KCNIP4: variants seen among roughly 807,000 people sequenced by gnomAD.
KCNIP4 encodes potassium voltage-gated channel interacting protein 4.
KCNIP4 carries 12 observed loss-of-function variants against 34.0 expected under a neutral mutation model. The observed-to-expected ratio is 0.35, with a 90% CI of 0.23 to 0.57. The LOEUF is 0.57. KCNIP4 is among the 20% of genes least tolerant of loss of function. The probability of loss-of-function intolerance (pLI) is 0.83; values close to 1 mark genes in which losing one functional copy is unlikely to be tolerated. For synonymous variants in KCNIP4, 124 were observed against 102.2 expected, an observed-to-expected ratio of 1.21 and a Z score of -1.29; for missense variants, 238 against 311.7, an observed-to-expected ratio of 0.76 and a Z score of 1.78.
intron 1 of KCNIP4, among the ~76,000 whole-genome samples, chr4:21,630,969 C>T (rs1296266257): frequency 6.6e-6 from 1 of 152,154 alleles, no homozygotes; most frequent in Non-Finnish European, 1.5e-5. Context: ...TTTCACACGC[C>T]CCTTGCACCT....
intron 1 of KCNIP4, among the ~76,000 whole-genome samples, chr4:21,211,987 G>A (rs1757252572): frequency 6.6e-6 from 1 of 152,138 alleles, no homozygotes; most frequent in African/African-American, 2.4e-5. Context: ...AAAGACATGA[G>A]GGGGACTTGC....
At chr4:21,527,288 C>T (rs1298277599) in intron 1 of KCNIP4, among the ~76,000 whole-genome samples, 4 of 152,120 alleles carry the variant, frequency 2.6e-5, no homozygotes, top group African/African-American at 9.7e-5. Context: ...TGATATTGTT[C>T]TACTCATTCC....
chr4:21,469,873 A>G (rs1730315051), intron 1 of KCNIP4, among the ~76,000 whole-genome samples: 1 of 152,240 alleles, frequency 6.6e-6, no homozygotes, highest in Admixed American at 6.5e-5. Context: ...ATGTGTCCCT[A>G]TGATTCATGT....
chr4:20,904,904 G>C (rs1376277898), intron 1 of KCNIP4, among the ~76,000 whole-genome samples: 1 of 152,142 alleles, frequency 6.6e-6, no homozygotes, highest in Non-Finnish European at 1.5e-5. Flanking sequence ...AGGAGAAGGA[G>C]GAGGAGGAAG....
At chr4:21,872,338 G>A (rs1469288877) in intron 1 of KCNIP4, among the ~76,000 whole-genome samples, 4 of 152,114 alleles carry the variant, frequency 2.6e-5, no homozygotes, top group Non-Finnish European at 4.4e-5. Flanking sequence ...CTACTCCAGC[G>A]CTATGAGCCA....
chr4:21,290,007 G>C (rs1312520656), intron 1 of KCNIP4, among the ~76,000 whole-genome samples: 1 of 151,804 alleles, frequency 6.6e-6, no homozygotes, highest in Non-Finnish European at 1.5e-5. Context: ...TCTCTTAGCA[G>C]GTACAAAAAA....
chr4:21,517,723 C>G (rs1441421014), intron 1 of KCNIP4, among the ~76,000 whole-genome samples: 1 of 152,092 alleles, frequency 6.6e-6, no homozygotes, highest in Admixed American at 6.6e-5. Context: ...TCATCAAGTA[C>G]TTGTTGAAGA....
chr4:21,494,687 C>T (rs759238627), intron 1 of KCNIP4, among the ~76,000 whole-genome samples: 2 of 151,094 alleles, frequency 1.3e-5, no homozygotes, highest in South Asian at 2.1e-4. Flanking sequence ...GCAAGAGAAT[C>T]GCTTGAACCT....
chr4:21,455,808 C>CATATATAT (rs1171436191), intron 1 of KCNIP4, among the ~76,000 whole-genome samples: 12 of 71,900 alleles, frequency 1.7e-4, no homozygotes, highest in Non-Finnish European at 2.6e-4. Context: ...TACAGATATT[C>CATATATAT]ATATATATAT....
Position 21,321,393 on chromosome 4 carries a change from G to A in KCNIP4, c.62-438684C>T, listed in dbSNP as rs1578074642. Among the ~76,000 whole-genome samples the A allele has an allele frequency of 2.0e-5, 3 of 152,140 alleles. No individual in the cohort carries two copies. The South Asian group carries it at 6.2e-4, about 31-fold the overall frequency. ...ATAAATGCCTATTATGTGGCTAAGT[G>A]ACAACCAGGGAAGATAAGAATCTAC... On this transcript the variant is annotated intron_variant, in intron 1 of 8. Coordinates refer to ENST00000382152, the MANE Select transcript of KCNIP4 (RefSeq NM_025221.6).
intron 1 of KCNIP4, among the ~76,000 whole-genome samples, chr4:21,020,489 A>G (rs535848274): frequency 2.0e-5 from 3 of 152,272 alleles, no homozygotes; most frequent in East Asian, 3.9e-4. Flanking sequence ...GTAGATAGGT[A>G]AACACCCTCT....
At chr4:21,074,703 T>C (rs2109006602) in intron 1 of KCNIP4, among the ~76,000 whole-genome samples, 1 of 152,308 alleles carries the variant, frequency 6.6e-6, no homozygotes, top group Admixed American at 6.5e-5. Flanking sequence ...TTGCTCTTGC[T>C]TCCCTAGTTC....
chr4:20,735,340 A>C (rs1304116538), intron 5 of KCNIP4, among the ~76,000 whole-genome samples: 1 of 152,090 alleles, frequency 6.6e-6, no homozygotes, highest in African/African-American at 2.4e-5. Flanking sequence ...AAATGGAGCT[A>C]ATAATAGTAT....
intron 1 of KCNIP4, among the ~76,000 whole-genome samples, chr4:21,391,155 G>T (rs1722523128): frequency 6.6e-6 from 1 of 151,836 alleles, no homozygotes; most frequent in South Asian, 2.1e-4. Flanking sequence ...TTTCAAATTG[G>T]GTTGATATAA....
chr4:21,347,235 T>C (rs2109363763), intron 1 of KCNIP4, among the ~76,000 whole-genome samples: 1 of 152,266 alleles, frequency 6.6e-6, no homozygotes, highest in East Asian at 1.9e-4. Flanking sequence ...AGAATCATAA[T>C]AGCTAGATAG....
intron 2 of KCNIP4, among the ~76,000 whole-genome samples, chr4:20,873,382 T>G (rs935618768): frequency 6.6e-6 from 1 of 152,186 alleles, no homozygotes; most frequent in African/African-American, 2.4e-5. Flanking sequence ...TATGCTCAAG[T>G]GTTAGCTATT....
At chr4:20,738,816 G>C (rs1330982523) in intron 5 of KCNIP4, among the ~76,000 whole-genome samples, 1 of 152,172 alleles carries the variant, frequency 6.6e-6, no homozygotes, top group Non-Finnish European at 1.5e-5. Context: ...AAGCGCAAGG[G>C]GTTGGGGAAT....
At chr4:21,337,913 C>T (rs1352032134) in intron 1 of KCNIP4, among the ~76,000 whole-genome samples, 1 of 152,010 alleles carries the variant, frequency 6.6e-6, no homozygotes, top group African/African-American at 2.4e-5. Flanking sequence ...TTCTTCCACC[C>T]GTGTAAGTGT....
At chr4:20,986,917 T>C (rs1736628372) in intron 1 of KCNIP4, among the ~76,000 whole-genome samples, 1 of 140,482 alleles carries the variant, frequency 7.1e-6, no homozygotes, top group African/African-American at 2.8e-5. Context: ...ATTAGTTACA[T>C]TTACCACATG....
Sources: allele counts gnomAD v4.1 joint callset (sites outside exome capture counted in the v4.1 genomes callset), GRCh38; gene constraint gnomAD v4.1.1; transcripts MANE v1.5; gene names NCBI Gene and HGNC (gene_info 2026-07-23, HGNC 2026-07-21).